The following VPS13B variants were observed in gnomAD, a reference collection of about 807,000 sequenced individuals.
The protein encoded by VPS13B is vacuolar protein sorting 13 homolog B.
VPS13B carries 285 observed loss-of-function variants against 426.4 expected under a neutral mutation model. The ratio of observed to expected loss-of-function variants is 0.67; its 90% CI spans 0.61 to 0.74. The LOEUF is 0.74. VPS13B is among the 30% of genes least tolerant of loss of function. VPS13B has a pLI of 0.00. For missense variants in VPS13B, 4,537 were observed against 4,782.6 expected (o/e 0.95, Z 1.51); for synonymous variants, 1,676 against 1,676.4 (o/e 1.00, Z 0.01).
At chr8:99,544,639 ATAAG>A (rs1458263663) in intron 30 of VPS13B, among the ~76,000 whole-genome samples, 1 of 152,182 alleles carries the variant, frequency 6.6e-6, no homozygotes, top group East Asian at 1.9e-4. Flanking sequence ...GCAAAATTAA[ATAAG>A]TAAAATACCA....
At chr8:99,349,907 T>C (rs942398495) in intron 19 of VPS13B, among the ~76,000 whole-genome samples, 5 of 152,124 alleles carry the variant, frequency 3.3e-5, no homozygotes, top group Non-Finnish European at 5.9e-5. Flanking sequence ...GGCAAAAATA[T>C]ATAGAAATAT....
chr8:99,739,569 C>A (rs536346916), intron 39 of VPS13B, among the ~76,000 whole-genome samples: 2 of 152,322 alleles, frequency 1.3e-5, no homozygotes, highest in Non-Finnish European at 2.9e-5. Flanking sequence ...TGGGAGGCAC[C>A]CCCAAGTGGG....
chr8:99,375,102 C>A (rs1431451970), intron 19 of VPS13B, among the ~76,000 whole-genome samples: 2 of 152,134 alleles, frequency 1.3e-5, no homozygotes, highest in African/African-American at 4.8e-5. Context: ...AACAATTGAT[C>A]GACACCTGTG....
At chr8:99,844,857 T>C (rs1815897518) in intron 54 of VPS13B, among the ~76,000 whole-genome samples, 1 of 152,212 alleles carries the variant, frequency 6.6e-6, no homozygotes, top group African/African-American at 2.4e-5. Flanking sequence ...TTATCTTCCA[T>C]TTTTATTTGC....
chr8:99,861,432 G>C (rs1588797018), intron 57 of VPS13B, among the ~76,000 whole-genome samples: 1 of 152,190 alleles, frequency 6.6e-6, no homozygotes, highest in East Asian at 1.9e-4. Flanking sequence ...CCCCTGAGTA[G>C]CTGAGACTAC....
chr8:99,544,093 G>A (rs1823806745), intron 30 of VPS13B, among the ~76,000 whole-genome samples: 1 of 149,248 alleles, frequency 6.7e-6, no homozygotes, highest in Non-Finnish European at 1.5e-5. Context: ...ACTGGATTAA[G>A]AAAATGTGGC....
intron 20 of VPS13B, among the ~76,000 whole-genome samples, chr8:99,387,508 C>G (rs1814192618): frequency 6.6e-6 from 1 of 152,220 alleles, no homozygotes. Context: ...CAGGCATGAA[C>G]CCCATGTCCA....
chr8:99,030,505 G>A (rs1842463581), intron 2 of VPS13B, among the ~76,000 whole-genome samples: 1 of 150,414 alleles, frequency 6.6e-6, no homozygotes, highest in Non-Finnish European at 1.5e-5. Context: ...ATGATGTAAT[G>A]GTGTCCTGTC....
At chr8:99,476,378 A>C (rs773146878) in intron 24 of VPS13B, among the ~76,000 whole-genome samples, 1 of 151,416 alleles carries the variant, frequency 6.6e-6, no homozygotes, top group African/African-American at 2.4e-5. Context: ...CTCTCTTTGG[A>C]TGCTTTCAAA....
chr8:99,859,203 G>A, intron 56 of VPS13B, 101 bp from the exon 57 acceptor site: 1 of 1,393,216 alleles, frequency 7.2e-7, no homozygotes, highest in Non-Finnish European at 1.0e-6. Flanking sequence ...CCCAATTCTA[G>A]TGTGAAAAAT....
intron 19 of VPS13B, among the ~76,000 whole-genome samples, chr8:99,293,757 G>A (rs1819874714): frequency 6.6e-6 from 1 of 152,116 alleles, no homozygotes; most frequent in Admixed American, 6.6e-5. Context: ...CTCAAAAGAA[G>A]ACATTTATGC....
chr8:99,537,829 C>A (rs957872236), intron 30 of VPS13B, among the ~76,000 whole-genome samples: 16 of 152,072 alleles, frequency 1.1e-4, no homozygotes, highest in Admixed American at 7.9e-4. Flanking sequence ...CTGGTGTGGT[C>A]CAGGTCATTA....
intron 54 of VPS13B, among the ~76,000 whole-genome samples, chr8:99,846,650 C>T (rs890203146): frequency 6.6e-6 from 1 of 152,178 alleles, no homozygotes; most frequent in African/African-American, 2.4e-5. Flanking sequence ...AAAGGGACAA[C>T]AAGCAAAAAT....
At chr8:99,767,740 G>C (rs1811298534) in intron 40 of VPS13B, among the ~76,000 whole-genome samples, 1 of 152,094 alleles carries the variant, frequency 6.6e-6, no homozygotes, top group Admixed American at 6.6e-5. Flanking sequence ...ATCAGCCTGG[G>C]CAATGTGGTG....
At chr8:99,079,143 A>C (rs1845301374) in intron 3 of VPS13B, among the ~76,000 whole-genome samples, 1 of 151,988 alleles carries the variant, frequency 6.6e-6, no homozygotes, top group African/African-American at 2.4e-5. Context: ...GTCTGTCCCC[A>C]CAGGTTGGAT....
chr8:99,697,685 T>A (rs1023623185), intron 35 of VPS13B: 4 of 640,356 alleles, frequency 6.2e-6, no homozygotes, highest in Non-Finnish European at 1.2e-5. Context: ...ATCGAGGGCT[T>A]GATCTCACAC....
chr8:99,068,644 G>C lies in VPS13B; in HGVS notation c.292-27668G>C, dbSNP rs143163209. ...ACTCACAGTTCTGCATTGCTGGGGA[G>C]GCCTCAGAAAACTTACAATTATGGC... On this transcript the variant is annotated intron_variant, in intron 3 of 61. Transcript: ENST00000357162. 1.2e-4 allele frequency among the ~76,000 whole-genome samples: 19 copies of C among 152,292 alleles called. 1 individual carries two copies. The highest frequency in any genetic ancestry group is 2.6e-4 in the Admixed American group (4 of 15,302).
intron 58 of VPS13B, 60 bp from the exon 59 acceptor site, chr8:99,868,229 G>T (rs1398626244): frequency 5.6e-6 from 9 of 1,607,218 alleles, no homozygotes; most frequent in Non-Finnish European, 7.7e-6. Flanking sequence ...TCCAGATGGA[G>T]CCTTTCATTT....
chr8:99,739,382 A>T (rs1352059841), intron 39 of VPS13B, among the ~76,000 whole-genome samples: 1 of 151,988 alleles, frequency 6.6e-6, no homozygotes, highest in Non-Finnish European at 1.5e-5. Flanking sequence ...GCCTCTGTAG[A>T]CTCCACCTCT....
Sources: allele counts gnomAD v4.1 joint callset (sites outside exome capture counted in the v4.1 genomes callset), GRCh38; gene constraint gnomAD v4.1.1; transcripts MANE v1.5; gene names NCBI Gene and HGNC (gene_info 2026-07-23, HGNC 2026-07-21).